BAZ2B: variants seen among roughly 807,000 people sequenced by gnomAD.
The protein encoded by BAZ2B is bromodomain adjacent to zinc finger domain 2B, also known as bromodomain adjacent to zinc finger domain protein 2B.
In BAZ2B, 91 loss-of-function variants were observed where a neutral mutation model predicts 246.0. The observed-to-expected ratio is 0.37, with a 90% CI of 0.31 to 0.44. The LOEUF (loss-of-function observed/expected upper bound fraction) is 0.44, where lower values mean the gene tolerates loss of function less well. BAZ2B is among the 20% of genes least tolerant of loss of function. The pLI is 1.00. For synonymous variants in BAZ2B, 855 were observed against 860.0 expected (o/e 0.99, Z 0.10); for missense variants, 2,332 against 2,533.7 (o/e 0.92, Z 1.71).
chr2:159,432,296 C>T (rs998163631), intron 9 of BAZ2B, among the ~76,000 whole-genome samples: 2 of 151,830 alleles, frequency 1.3e-5, no homozygotes, highest in Admixed American at 6.6e-5. Flanking sequence ...AAAATTAAAT[C>T]AGAGAGTCCT....
chr2:159,338,235 GCTCCT>G (rs2065996915), intron 31 of BAZ2B, among the ~76,000 whole-genome samples: 1 of 151,860 alleles, frequency 6.6e-6, no homozygotes, highest in Non-Finnish European at 1.5e-5. Context: ...CTTTTCTTTT[GCTCCT>G]CTTCACCTAG....
intron 7 of BAZ2B, 100 bp from the exon 8 acceptor site, chr2:159,438,795 C>A: frequency 7.4e-7 from 1 of 1,349,576 alleles, no homozygotes; most frequent in Non-Finnish European, 1.0e-6. Flanking sequence ...TCAAAGTGTT[C>A]TTAATGCCTT....
the BAZ2B span, among the ~76,000 whole-genome samples, chr2:159,662,809 G>A: frequency 9.9e-5 from 15 of 152,044 alleles, no homozygotes; most frequent in Admixed American, 2.0e-4. Context: ...TGGGATTACC[G>A]GAGTGAGCCA....
intron 2 of BAZ2B, among the ~76,000 whole-genome samples, chr2:159,553,392 C>CAAAAAAAAAAAAAAAAAAAAAAAA (rs35253250): frequency 6.8e-5 from 5 of 73,810 alleles, no homozygotes; most frequent in African/African-American, 2.1e-4. Flanking sequence ...GACTCTGTCT[C>CAAAAAAAAAAAAAAAAAAAAAAAA]AAAAAAAAAA....
In BAZ2B at chr2:159,540,578, T is replaced by G. The variant is rs917499259; in HGVS notation, c.-3+15245A>C. Reference sequence around the variant, plus strand: ...GTTTTCTATTTCTAAATATCCATACTAAGGTCTCTTGAACACAAGTTAGTT... The same window carrying G: ...GTTTTCTATTTCTAAATATCCATACGAAGGTCTCTTGAACACAAGTTAGTT... On this transcript the variant is annotated intron_variant, in intron 2 of 36. Transcript: ENST00000392783. Among the ~76,000 whole-genome samples the G allele has an allele frequency of 3.3e-5, 5 of 152,360 alleles. No homozygotes were observed. The South Asian group carries it at 1.0e-3, about 32-fold the overall frequency.
chr2:159,413,238 TA>T (rs1259801700), intron 13 of BAZ2B, among the ~76,000 whole-genome samples: 3 of 152,214 alleles, frequency 2.0e-5, no homozygotes, highest in Non-Finnish European at 4.4e-5. Context: ...AAGTATAAGT[TA>T]AACTATACGG....
chr2:159,600,046 A>C lies in BAZ2B; in HGVS notation c.-46+16196T>G, dbSNP rs527699840. Among the ~76,000 whole-genome samples the C allele has an allele frequency of 3.3e-5, 5 of 152,248 alleles. No individual in the cohort carries two copies. The East Asian group carries it at 7.7e-4, about 23-fold the overall frequency. The stretch of plus-strand genomic sequence containing the variant: ...GTAGAATGTCCCAGGCTTGCTTTCT[A>C]GCCTGAGGAGAGGAAATATCAGTAA... On this transcript the variant is annotated intron_variant, in intron 1 of 36. Transcript: ENST00000392783.
intron 36 of BAZ2B, among the ~76,000 whole-genome samples, chr2:159,324,536 A>C (rs2063167097): frequency 6.6e-6 from 1 of 151,594 alleles, no homozygotes; most frequent in African/African-American, 2.4e-5. Context: ...GTGCTCTTTC[A>C]ATGTCAAAAG....
chr2:159,372,575 G>A (rs1283543557), intron 27 of BAZ2B, among the ~76,000 whole-genome samples: 1 of 152,238 alleles, frequency 6.6e-6, no homozygotes, highest in East Asian at 1.9e-4. Context: ...GAAGAAGTCT[G>A]AAGGAGAAGG....
chr2:159,390,762 A>G (rs1211665266), intron 20 of BAZ2B, among the ~76,000 whole-genome samples: 1 of 152,186 alleles, frequency 6.6e-6, no homozygotes, highest in African/African-American at 2.4e-5. Flanking sequence ...GCCAGAGGCC[A>G]GATCCTAAGG....
At chr2:159,712,345 C>T in the BAZ2B span, 2 of 152,182 alleles carry the variant, frequency 1.3e-5, 1 homozygote. Flanking sequence ...CCGGGGGCAG[C>T]TCTTCAACGG....
chr2:159,457,565 C>T lies in BAZ2B; in HGVS notation c.146-3764G>A, dbSNP rs113929564. Among the ~76,000 whole-genome samples the T allele has an allele frequency of 1.7e-4, 26 of 152,278 alleles. 1 individual carries two copies. Among genetic ancestry groups the T allele is most frequent in the African/African-American group, 6.0e-4 (25 of 41,556 alleles). ...TTGCCTTATTTCCTCAACCCCTGGT[C>T]CTAATTTGTTAACATTAACACTGGC... On this transcript the variant is annotated intron_variant, in intron 3 of 36. Coordinates refer to ENST00000392783, the MANE Select transcript of BAZ2B (RefSeq NM_013450.4).
intron 2 of BAZ2B, among the ~76,000 whole-genome samples, chr2:159,511,172 T>A (rs1360076491): frequency 6.6e-6 from 1 of 152,108 alleles, no homozygotes; most frequent in African/African-American, 2.4e-5. Flanking sequence ...CCAGAAAAAA[T>A]TAATCAGAAT....
In BAZ2B at chr2:159,344,700, C is replaced by T. The variant is rs774167251; in HGVS notation, c.5454+2786G>A. ...GAATGCTATACAACCATAAAAAGAA[C>T]GAAATATCCTGTCATTAGAGGCAAC... On this transcript the variant is annotated intron_variant, in intron 31 of 36. Coordinates refer to ENST00000392783, the MANE Select transcript of BAZ2B (RefSeq NM_013450.4). Among the ~76,000 whole-genome samples, 6 of 151,756 alleles carry T rather than the reference C, an allele frequency of 4.0e-5. No individual in the cohort carries two copies. The East Asian group carries it at 7.7e-4, about 20-fold the overall frequency.
chr2:159,477,171 G>GT (rs2078684798), intron 3 of BAZ2B, among the ~76,000 whole-genome samples: 1 of 152,072 alleles, frequency 6.6e-6, no homozygotes, highest in South Asian at 2.1e-4. Context: ...TAGGTGTGGT[G>GT]GTGGGCACCT....
At chr2:159,349,380 T>C in intron 28 of BAZ2B, 100 bp from the exon 29 acceptor site, 1 of 1,224,678 alleles carries the variant, frequency 8.2e-7, no homozygotes, top group Non-Finnish European at 1.1e-6. Flanking sequence ...CAAAAAATAT[T>C]CTTTCATTTA....
upstream of BAZ2B, among the ~76,000 whole-genome samples, chr2:159,617,774 G>GA (rs200827888): frequency 0.07 from 10,121 of 144,488 alleles, 452 homozygotes; most frequent in East Asian, 0.23. Flanking sequence ...GCTTCATTAG[G>GA]AAAAAAAAAA....
At chr2:159,526,615 T>C (rs369493603) in intron 2 of BAZ2B, among the ~76,000 whole-genome samples, 24 of 152,310 alleles carry the variant, frequency 1.6e-4, no homozygotes, top group African/African-American at 5.5e-4. Context: ...AGGTTTTGTT[T>C]GCACTTCTGT....
At chr2:159,323,241 T>C (rs2062953637) in intron 36 of BAZ2B, among the ~76,000 whole-genome samples, 1 of 151,952 alleles carries the variant, frequency 6.6e-6, no homozygotes, top group Non-Finnish European at 1.5e-5. Context: ...TGCCTCCACC[T>C]CCCAAAGTGC....
Sources: allele counts gnomAD v4.1 joint callset (sites outside exome capture counted in the v4.1 genomes callset), GRCh38; gene constraint gnomAD v4.1.1; transcripts MANE v1.5; gene names NCBI Gene and HGNC (gene_info 2026-07-23, HGNC 2026-07-21).